The following TRPC3 variants were observed in gnomAD, a reference collection of about 807,000 sequenced individuals.
TRPC3 encodes short transient receptor potential channel 3.
A neutral mutation model predicts 90.9 loss-of-function variants in TRPC3; 54 were observed. The observed-to-expected ratio is 0.59, with a 90% CI of 0.48 to 0.75. The LOEUF (loss-of-function observed/expected upper bound fraction) is 0.75. Among genes scored for constraint, TRPC3 ranks in the 30% least tolerant of loss-of-function variants. The pLI, the probability that TRPC3 is intolerant of heterozygous loss-of-function variation, is 0.00. For synonymous variants in TRPC3, 424 were observed against 450.9 expected (o/e 0.94, Z 0.75); for missense variants, 918 against 1,194.5 (o/e 0.77, Z 3.41).
At chr4:121,918,577 CACTT>C (rs1444462147) in intron 3 of TRPC3, among the ~76,000 whole-genome samples, 1 of 152,178 alleles carries the variant, frequency 6.6e-6, no homozygotes, top group African/African-American at 2.4e-5. Flanking sequence ...ACAGTGCAAA[CACTT>C]ACTCTACATT....
chr4:121,890,302 C>T (rs796682664), intron 10 of TRPC3, among the ~76,000 whole-genome samples: 40 of 152,092 alleles, frequency 2.6e-4, no homozygotes, highest in African/African-American at 9.2e-4. Context: ...TTTAAAATAG[C>T]TAGAAGAGAG....
chr4:121,925,494 GA>G (rs1455289557), intron 2 of TRPC3, among the ~76,000 whole-genome samples: 1 of 152,156 alleles, frequency 6.6e-6, no homozygotes, highest in African/African-American at 2.4e-5. Flanking sequence ...TCAGAGAATA[GA>G]AAAGTGGCTA....
At chr4:121,897,913 C>T (rs1251715659) in intron 10 of TRPC3, among the ~76,000 whole-genome samples, 3 of 152,114 alleles carry the variant, frequency 2.0e-5, no homozygotes, top group African/African-American at 7.2e-5. Flanking sequence ...AGGTGTCTAA[C>T]AGCAGATGAA....
In TRPC3 at chr4:121,878,387, C is replaced by T. The variant is rs1727828795; in HGVS notation, c.*1349G>A. Among the ~76,000 whole-genome samples the T allele has an allele frequency of 6.6e-6, 1 of 152,142 alleles. No homozygotes were observed. The highest frequency in any genetic ancestry group is 1.5e-5 in the Non-Finnish European group (1 of 68,030). On this transcript the variant is annotated 3_prime_UTR_variant, in exon 12 of 12. Coordinates refer to ENST00000379645, the MANE Select transcript of TRPC3 (RefSeq NM_001130698.2). ...GCATGTATTTAGTTGGTTTTAAGGA[C>T]CTCTGAAAATCTTTGATCTATGATC...
intron 6 of TRPC3, among the ~76,000 whole-genome samples, chr4:121,908,606 C>G (rs1728970368): frequency 6.6e-6 from 1 of 152,054 alleles, no homozygotes; most frequent in South Asian, 2.1e-4. Context: ...AGGCCATTAT[C>G]CTAAGTGAAT....
chr4:121,939,995 A>G (rs1730251834), intron 1 of TRPC3, among the ~76,000 whole-genome samples: 1 of 152,186 alleles, frequency 6.6e-6, no homozygotes, highest in South Asian at 2.1e-4. Context: ...TTATCCAAAT[A>G]AACATTTACT....
At chr4:121,898,317 G>A (rs907589339) in intron 10 of TRPC3, among the ~76,000 whole-genome samples, 2 of 152,228 alleles carry the variant, frequency 1.3e-5, no homozygotes, top group Non-Finnish European at 2.9e-5. Context: ...AGGCTGCACA[G>A]CAGGAAGTGA....
rs1727777738 is a variant in TRPC3, at chr4:121,876,937, A to G, written c.*2799T>C. On this transcript the variant is annotated 3_prime_UTR_variant, in exon 12 of 12. Transcript: ENST00000379645. ...AAAAAATGAGAGATGTCCTAAGGAA[A>G]AAAGAGTCCTGGGGCTTTGACAATC... 6.6e-6 allele frequency among the ~76,000 whole-genome samples: 1 copy of G among 152,200 alleles called. No individual in the cohort carries two copies. Among genetic ancestry groups the G allele is most frequent in the Non-Finnish European group, 1.5e-5 (1 of 68,038 alleles).
chr4:121,915,170 A>G (rs1729266694), intron 3 of TRPC3, among the ~76,000 whole-genome samples: 1 of 152,190 alleles, frequency 6.6e-6, no homozygotes, highest in Admixed American at 6.5e-5. Flanking sequence ...AGAAGGTAAA[A>G]TTGGTGGTGT....
In TRPC3 at chr4:121,907,577, A is replaced by C. The variant is rs1728930912; in HGVS notation, c.1793-10T>G. ...AGCCATTTATCTCTAGCTAGAAAAA[A>C]GAGAGAAAGAGATTAAAAATGGAGC... On this transcript the variant is annotated splice_polypyrimidine_tract_variant and intron_variant, in intron 6 of 11. Transcript: ENST00000379645. The C allele has an allele frequency of 6.3e-7, 1 of 1,585,564 alleles. No individual in the cohort carries two copies. Among genetic ancestry groups the C allele is most frequent in the African/African-American group, 1.4e-5 (1 of 73,150 alleles).
At position 121,951,773 on chromosome 4, in the gene TRPC3, C is replaced by T; in HGVS notation, c.-93G>A. On this transcript the variant is annotated 5_prime_UTR_variant, in exon 1 of 12. Transcript: ENST00000379645. This position sits in a 1 kb window ranked among gnomAD's most constrained non-coding sequence, Gnocchi z 4.4. ...TCTTCCCGCGGCGCCCCTTCACCACCTCCCGCGGCTTCCGGGGCCCCGGGC... is the reference window on the plus strand; with the variant it reads ...TCTTCCCGCGGCGCCCCTTCACCACTTCCCGCGGCTTCCGGGGCCCCGGGC... The T allele has an allele frequency of 2.7e-6, 3 of 1,093,650 alleles. No individual in the cohort carries two copies. Among genetic ancestry groups the T allele is most frequent in the African/African-American group, 3.3e-5 (2 of 60,772 alleles). The allele number at this position is 1,093,650 out of a possible 1,614,324, so 67.7% of individuals were successfully genotyped here.
rs1009610445 is a variant in TRPC3 at position 121,948,835 on chromosome 4, T to A, written c.215+2631A>T. Among the ~76,000 whole-genome samples the A allele has an allele frequency of 7.9e-5, 10 of 126,338 alleles. No individual in the cohort carries two copies. The East Asian group carries it at 2.2e-3, about 28-fold the overall frequency. 82.9% of individuals were successfully genotyped at this position (126,338 alleles called of 152,430 possible). ...TTCGCACTTGACCCTTTATAACTCTTTGCGGTTTTTTTTTTGTTTTTTTGT... is the reference window on the plus strand; with the variant it reads ...TTCGCACTTGACCCTTTATAACTCTATGCGGTTTTTTTTTTGTTTTTTTGT... On this transcript the variant is annotated intron_variant, in intron 1 of 11. Coordinates refer to ENST00000379645, the MANE Select transcript of TRPC3 (RefSeq NM_001130698.2).
chr4:121,903,165 T>C, intron 8 of TRPC3, 104 bp from the exon 9 acceptor site: 4 of 955,398 alleles, frequency 4.2e-6, no homozygotes, highest in Non-Finnish European at 6.1e-6. Flanking sequence ...GTTTTTGAAA[T>C]AGGTAACTTA....
intron 7 of TRPC3, among the ~76,000 whole-genome samples, chr4:121,905,792 T>C (rs973948842): frequency 2.6e-5 from 4 of 152,090 alleles, no homozygotes; most frequent in African/African-American, 7.2e-5. Context: ...TCCAGAAATT[T>C]TGCTACACCC....
chr4:121,904,541 G>T (rs201819974), intron 7 of TRPC3, 24 bp from the exon 8 acceptor site: 38 of 1,498,886 alleles, frequency 2.5e-5, no homozygotes, highest in Non-Finnish European at 3.2e-5. Context: ...AAGATACAAA[G>T]TAAGTAAGTT....
At chr4:121,929,776 G>C (rs1481502080) in intron 2 of TRPC3, among the ~76,000 whole-genome samples, 1 of 151,852 alleles carries the variant, frequency 6.6e-6, no homozygotes, top group African/African-American at 2.4e-5. Flanking sequence ...TTTCGGGGGT[G>C]AGATACTAGA....
Position 121,878,517 on chromosome 4 carries a change from A to G in TRPC3, c.*1219T>C, listed in dbSNP as rs1727835566. 6.6e-6 allele frequency among the ~76,000 whole-genome samples: 1 copy of G among 152,168 alleles called. No homozygotes were observed. Among genetic ancestry groups the G allele is most frequent in the Non-Finnish European group, 1.5e-5 (1 of 68,024 alleles). On this transcript the variant is annotated 3_prime_UTR_variant, in exon 12 of 12. Coordinates refer to ENST00000379645, the MANE Select transcript of TRPC3 (RefSeq NM_001130698.2). ...ACCTAGCTGGTTAAAAAATGCTTTGAGTGTTTTATAGTCTCTGAAGTGACT... is the reference window on the plus strand; with the variant it reads ...ACCTAGCTGGTTAAAAAATGCTTTGGGTGTTTTATAGTCTCTGAAGTGACT...
At position 121,904,470 on chromosome 4, in the gene TRPC3, G is replaced by C; in HGVS notation, c.2105C>G (p.Ser702Cys). 1.3e-6 allele frequency: 2 copies of C among 1,593,432 alleles called. No individual in the cohort carries two copies. Among genetic ancestry groups the C allele is most frequent in the Non-Finnish European group, 1.7e-6 (2 of 1,172,688 alleles). ...KTLFWSIFGL[S>C]EVTSVVLKYD... ...TTTGAGCACAACGGAAGTCACTTCAGACAACCCAAATATTGACCAAAATAA... is the reference window on the plus strand; with the variant it reads ...TTTGAGCACAACGGAAGTCACTTCACACAACCCAAATATTGACCAAAATAA... The change falls in exon 8 of 12, where the codon TCT (serine) becomes TGT (cysteine). Residue 702 changes from serine to cysteine, a missense_variant. Physicochemically the swap from Ser to Cys is moderately radical, Grantham distance 112 (BLOSUM62 -1). This residue lies in a region of TRPC3 where 147 missense variants were observed against 263.5 expected (regional missense o/e 0.56). Transcript: ENST00000379645.
chr4:121,911,887 G>C lies in TRPC3; in HGVS notation c.1548C>G (p.Val516=). 1 of 1,612,762 alleles carries C rather than the reference G, an allele frequency of 6.2e-7. No homozygotes were observed. Among genetic ancestry groups the C allele is most frequent in the Non-Finnish European group, 8.5e-7 (1 of 1,179,268 alleles). Residue 516 remains valine, a synonymous_variant, in exon 5 of 12, where the codon GTC becomes GTG. Coordinates refer to ENST00000379645, the MANE Select transcript of TRPC3 (RefSeq NM_001130698.2). The part of the protein sequence containing the change: ...QFTWTEMLIM[V]WVLGMMWSEC... ...AAATAAAAGACTTACCAAGAACCCA[G>C]ACCATAATTAGCATTTCAGTCCATG...
Sources: gnomAD v4.1 joint callset for allele counts (sites outside exome capture counted in the v4.1 genomes callset) on GRCh38, gnomAD v4.1.1 for gene constraint, gnomAD v4.1.1 regional missense constraint, Gnocchi (gnomAD v3.1) non-coding constraint, MANE v1.5 for transcripts, NCBI Gene and HGNC (gene_info 2026-07-23, HGNC 2026-07-21) for gene names.